Variants in MSRA observed in about 807,000 individuals in gnomAD.
MSRA encodes the protein mitochondrial peptide methionine sulfoxide reductase.
Under a neutral mutation model 31.3 loss-of-function variants are expected in MSRA, and 54 were observed. The observed-to-expected ratio is 1.73, with a 90% CI of 1.39 to 2.17. The LOEUF is 2.17. Among genes scored for constraint, MSRA ranks in the 30% most tolerant of loss-of-function variants. The pLI is 0.00. For missense variants in MSRA, 507 were observed against 300.9 expected (o/e 1.69, Z -5.07); for synonymous variants, 169 against 116.5 (o/e 1.45, Z -2.90).
intron 1 of MSRA, among the ~76,000 whole-genome samples, chr8:10,137,399 T>G (rs1346869673): frequency 1.3e-5 from 2 of 152,210 alleles, no homozygotes; most frequent in African/African-American, 4.8e-5. Flanking sequence ...GTTAACTGCT[T>G]TCTTTGAGAG....
At chr8:10,305,747 G>A (rs1237529333) in intron 4 of MSRA, among the ~76,000 whole-genome samples, 1 of 152,120 alleles carries the variant, frequency 6.6e-6, no homozygotes, top group Non-Finnish European at 1.5e-5. Flanking sequence ...GAGCAAAGCT[G>A]GTAAGTGAGA....
intron 1 of MSRA, among the ~76,000 whole-genome samples, chr8:10,111,018 A>T (rs926174204): frequency 1.1e-4 from 16 of 152,248 alleles, no homozygotes; most frequent in African/African-American, 3.9e-4. Context: ...CAAGTGTGGA[A>T]CCATTACTGA....
At chr8:10,337,847 C>T in intron 5 of MSRA, 1 of 701,590 alleles carries the variant, frequency 1.4e-6, no homozygotes, top group African/African-American at 1.7e-5. Context: ...CTTCTTTCTG[C>T]TAAATCAGTT....
intron 3 of MSRA, among the ~76,000 whole-genome samples, chr8:10,258,516 A>G (rs2129091479): frequency 6.6e-6 from 1 of 152,278 alleles, no homozygotes; most frequent in African/African-American, 2.4e-5. Context: ...CTCCTGATCA[A>G]TGCCGAGTTG....
intron 3 of MSRA, among the ~76,000 whole-genome samples, chr8:10,270,267 G>A (rs1333464335): frequency 4.6e-5 from 7 of 152,128 alleles, no homozygotes; most frequent in Non-Finnish European, 8.8e-5. Flanking sequence ...CTTATTGGTA[G>A]CTATTTCTGT....
At chr8:10,171,762 G>T in intron 1 of MSRA, among the ~76,000 whole-genome samples, 1 of 152,300 alleles carries the variant, frequency 6.6e-6, no homozygotes, top group Non-Finnish European at 1.5e-5. Context: ...TTGTTTAGGT[G>T]GTAGTGGAAT....
chr8:10,317,801 A>G (rs1318250642), intron 4 of MSRA, among the ~76,000 whole-genome samples: 1 of 152,184 alleles, frequency 6.6e-6, no homozygotes, highest in Non-Finnish European at 1.5e-5. Context: ...CACTTGTTGC[A>G]TCTGTGGGAA....
intron 1 of MSRA, among the ~76,000 whole-genome samples, chr8:10,084,329 C>A (rs552072234): frequency 1.3e-5 from 2 of 152,244 alleles, no homozygotes; most frequent in South Asian, 4.1e-4. Context: ...CTTTGCGGCC[C>A]TCTGCTGCCT....
At chr8:10,385,945 G>A (rs1806364087) in intron 5 of MSRA, among the ~76,000 whole-genome samples, 1 of 152,120 alleles carries the variant, frequency 6.6e-6, no homozygotes, top group Non-Finnish European at 1.5e-5. Flanking sequence ...ACAGACACCA[G>A]GAAAGAAAAA....
chr8:10,099,484 C>G (rs544365528), intron 1 of MSRA, among the ~76,000 whole-genome samples: 1 of 152,180 alleles, frequency 6.6e-6, no homozygotes, highest in Non-Finnish European at 1.5e-5. Flanking sequence ...CAAATACCTT[C>G]GCCTGTTATT....
At chr8:10,137,965 A>T (rs73530934) in intron 1 of MSRA, among the ~76,000 whole-genome samples, 7,125 of 152,304 alleles carry the variant, frequency 0.047, 329 homozygotes, top group African/African-American at 0.12. Context: ...ACTGAAGATC[A>T]GGGAGATTAG....
intron 4 of MSRA, among the ~76,000 whole-genome samples, chr8:10,314,575 T>G (rs7842154): frequency 0.25 from 37,792 of 152,166 alleles, 4,972 homozygotes; most frequent in East Asian, 0.34. Context: ...TTGGTACGAC[T>G]ACTCTGGAAA....
At chr8:10,426,285 C>T (rs752870980) in intron 5 of MSRA, among the ~76,000 whole-genome samples, 9 of 152,140 alleles carry the variant, frequency 5.9e-5, no homozygotes, top group South Asian at 2.1e-4. Context: ...ACTTCCATTC[C>T]GTCAAGCTGG....
chr8:10,063,956 G>T (rs924540389), intron 1 of MSRA, among the ~76,000 whole-genome samples: 2 of 152,192 alleles, frequency 1.3e-5, no homozygotes, highest in Admixed American at 6.5e-5. Context: ...GCCGCCCCTT[G>T]GGGCTGTTTC....
At chr8:10,080,369 A>G (rs555989008) in intron 1 of MSRA, among the ~76,000 whole-genome samples, 1 of 144,490 alleles carries the variant, frequency 6.9e-6, no homozygotes, top group East Asian at 2.0e-4. Context: ...TGTTTTCACT[A>G]TCTGAATATT....
At chr8:10,391,560 A>G (rs553160348) in intron 5 of MSRA, among the ~76,000 whole-genome samples, 2 of 152,368 alleles carry the variant, frequency 1.3e-5, no homozygotes, top group African/African-American at 4.8e-5. Context: ...GATGAACCCA[A>G]GAGGACTTGC....
chr8:10,073,406 G>A (rs1311201235), intron 1 of MSRA, among the ~76,000 whole-genome samples: 2 of 152,164 alleles, frequency 1.3e-5, no homozygotes, highest in African/African-American at 4.8e-5. Context: ...TTCTGTGTCT[G>A]CGTTCTCAGT....
chr8:10,131,659 G>A (rs903548352), intron 1 of MSRA, among the ~76,000 whole-genome samples: 2 of 152,066 alleles, frequency 1.3e-5, no homozygotes, highest in Non-Finnish European at 2.9e-5. Context: ...TCTATCCCTG[G>A]GAAGCTCTCC....
intron 5 of MSRA, among the ~76,000 whole-genome samples, chr8:10,405,949 C>A (rs1411155966): frequency 6.6e-6 from 1 of 152,294 alleles, no homozygotes; most frequent in Non-Finnish European, 1.5e-5. Context: ...CACACACACA[C>A]ATGTGATGGA....
Sources: gnomAD v4.1 joint callset for allele counts (sites outside exome capture counted in the v4.1 genomes callset) on GRCh38, gnomAD v4.1.1 for gene constraint, MANE v1.5 for transcripts, NCBI Gene and HGNC (gene_info 2026-07-23, HGNC 2026-07-21) for gene names.